The following TRAF3 variants were observed in gnomAD, a reference collection of about 807,000 sequenced individuals.
TRAF3 encodes the protein TNF receptor associated factor 3.
In TRAF3, 13 loss-of-function variants were observed where a neutral mutation model predicts 62.3. That is an observed-to-expected ratio of 0.21 (90% CI 0.14 to 0.33). The LOEUF (loss-of-function observed/expected upper bound fraction) is 0.33. TRAF3 is among the 10% of genes least tolerant of loss of function. The probability of loss-of-function intolerance (pLI) is 1.00; values close to 1 mark genes in which losing one functional copy is unlikely to be tolerated. For synonymous variants in TRAF3, 269 were observed against 283.4 expected (o/e 0.95, Z 0.51); for missense variants, 440 against 741.8 (o/e 0.59, Z 4.73).
intron 2 of TRAF3, among the ~76,000 whole-genome samples, chr14:102,842,344 A>G (rs1886425953): frequency 6.7e-6 from 1 of 149,780 alleles, no homozygotes; most frequent in South Asian, 2.1e-4. Flanking sequence ...ACACATGTAT[A>G]TGTATATATA....
chr14:102,799,132 T>G (rs1188326703), intron 1 of TRAF3, among the ~76,000 whole-genome samples: 1 of 151,994 alleles, frequency 6.6e-6, no homozygotes, highest in South Asian at 2.1e-4. Flanking sequence ...AGTGGCTGAT[T>G]TGGACTACTG....
chr14:102,880,227 C>T (rs1888970602), intron 6 of TRAF3, among the ~76,000 whole-genome samples: 1 of 152,090 alleles, frequency 6.6e-6, no homozygotes, highest in African/African-American at 2.4e-5. Flanking sequence ...GCCTATAATC[C>T]CAGAACTCTG....
intron 5 of TRAF3, 34 bp from the exon 6 acceptor site, chr14:102,876,324 C>T: frequency 6.2e-7 from 1 of 1,611,876 alleles, no homozygotes; most frequent in Non-Finnish European, 8.5e-7. Context: ...GGGTTTTTTT[C>T]CCAATTAAGA....
intron 1 of TRAF3, among the ~76,000 whole-genome samples, chr14:102,819,651 AC>A (rs1899772666): frequency 1.3e-5 from 2 of 152,140 alleles, no homozygotes; most frequent in Non-Finnish European, 2.9e-5. Context: ...CAGTCATGGG[AC>A]CACACCTTTG....
chr14:102,862,767 C>T (rs546122354), intron 2 of TRAF3, among the ~76,000 whole-genome samples: 11 of 152,198 alleles, frequency 7.2e-5, no homozygotes, highest in African/African-American at 2.6e-4. Context: ...TGGTGTCCCA[C>T]AAGTCTCTGA....
rs1338311104 is a variant in TRAF3 at position 102,903,716 on chromosome 14, G to T, written c.1135+287G>T. ...TGCAAAGCCCTCCTGGGAGAGACTG[G>T]CCGCAGGGTGACCCACAGGACAGGC... On this transcript the variant is annotated intron_variant, in intron 11 of 11. Coordinates refer to ENST00000392745, the MANE Select transcript of TRAF3 (RefSeq NM_145725.3). The surrounding 1 kb of genome is among the most constrained non-coding windows in gnomAD (Gnocchi z 6.4). 1.8e-6 allele frequency: 1 copy of T among 553,986 alleles called. No homozygotes were observed. Among genetic ancestry groups the T allele is most frequent in the Non-Finnish European group, 3.4e-6 (1 of 291,678 alleles). The allele number at this position is 553,986 out of a possible 1,614,324, so 34.3% of individuals were successfully genotyped here.
At chr14:102,819,486 G>A (rs540538752) in intron 1 of TRAF3, among the ~76,000 whole-genome samples, 3 of 152,270 alleles carry the variant, frequency 2.0e-5, no homozygotes, top group East Asian at 3.9e-4. Context: ...TGTGCACATC[G>A]CTCAGCATGT....
At chr14:102,787,175 C>A (rs1327651895) in intron 1 of TRAF3, among the ~76,000 whole-genome samples, 3 of 151,978 alleles carry the variant, frequency 2.0e-5, no homozygotes, top group Non-Finnish European at 4.4e-5. Flanking sequence ...GGAAGAAATA[C>A]CGGTGGGAGT....
At chr14:102,778,942 C>T (rs1010379233) in intron 1 of TRAF3, among the ~76,000 whole-genome samples, 2 of 152,192 alleles carry the variant, frequency 1.3e-5, no homozygotes, top group African/African-American at 4.8e-5. Flanking sequence ...GCGTTCTTTT[C>T]TCAAATGAGA....
In TRAF3 at chr14:102,848,256, ACT is replaced by A. The variant is rs972600012; in HGVS notation, c.-18+17787_-18+17788del. Among the ~76,000 whole-genome samples, 4 of 152,072 alleles carry A rather than the reference ACT, an allele frequency of 2.6e-5. No individual in the cohort carries two copies. In the South Asian group the frequency reaches 8.3e-4, roughly 32 times the overall value. On this transcript the variant is annotated intron_variant, in intron 2 of 11. Transcript: ENST00000392745. ...ATACCAGCCTGGGCAACACAGTGAA[ACT>A]CTGTCTAAAAAAATAAAATAATTAA...
intron 1 of TRAF3, among the ~76,000 whole-genome samples, chr14:102,804,768 T>C (rs1898668656): frequency 6.6e-6 from 1 of 152,224 alleles, no homozygotes; most frequent in Non-Finnish European, 1.5e-5. Flanking sequence ...ACTACAGGCA[T>C]GAGACATCAC....
At chr14:102,900,691 C>T (rs1890251979) in intron 10 of TRAF3, among the ~76,000 whole-genome samples, 1 of 152,224 alleles carries the variant, frequency 6.6e-6, no homozygotes, top group Non-Finnish European at 1.5e-5. Context: ...GGGCTTCTCA[C>T]AGCGCCGGGC....
chr14:102,815,299 C>T (rs1194386994), intron 1 of TRAF3, among the ~76,000 whole-genome samples: 3 of 152,114 alleles, frequency 2.0e-5, no homozygotes, highest in Non-Finnish European at 4.4e-5. Flanking sequence ...CATCTTTCTT[C>T]TAAGAATTAT....
intron 6 of TRAF3, among the ~76,000 whole-genome samples, chr14:102,881,407 A>G (rs1022216221): frequency 1.3e-5 from 2 of 151,376 alleles, no homozygotes; most frequent in African/African-American, 4.9e-5. Context: ...AAAAAAAAAA[A>G]AAAGAAAAAA....
intron 1 of TRAF3, among the ~76,000 whole-genome samples, chr14:102,797,233 T>G (rs1161577880): frequency 6.6e-6 from 1 of 152,208 alleles, no homozygotes; most frequent in Non-Finnish European, 1.5e-5. Flanking sequence ...TCTTAGGAAC[T>G]GCTTTGTATT....
chr14:102,847,830 C>T (rs1886811884), intron 2 of TRAF3, among the ~76,000 whole-genome samples: 1 of 152,176 alleles, frequency 6.6e-6, no homozygotes. Flanking sequence ...TTTCTATATA[C>T]ATGGCACTTT....
At chr14:102,854,617 C>T (rs1026301976) in intron 2 of TRAF3, among the ~76,000 whole-genome samples, 3 of 152,112 alleles carry the variant, frequency 2.0e-5, no homozygotes, top group African/African-American at 7.2e-5. Flanking sequence ...CCCACCTCAG[C>T]CCCCCAGATA....
In TRAF3 at chr14:102,897,270, T is replaced by A. The variant is rs1291879105; in HGVS notation, c.829T>A (p.Leu277Met). 6.2e-7 allele frequency: 1 copy of A among 1,612,970 alleles called. No homozygotes were observed. The highest frequency in any genetic ancestry group is 8.5e-7 in the Non-Finnish European group (1 of 1,179,542). ...AGAATTTCTTTTTTAGGTTTCCTTG[T>A]TGCAGAATGAAAGTGTAGAAAAAAA... ...SNSLEKKVSL[L>M]QNESVEKNKS... The change falls in exon 10 of 12, where the codon TTG (leucine) becomes ATG (methionine). Residue 277 changes from leucine (L) to methionine (M), a missense_variant. By Grantham distance (15) the Leu-to-Met change is conservative. Coordinates refer to ENST00000392745, the MANE Select transcript of TRAF3 (RefSeq NM_145725.3).
intron 1 of TRAF3, among the ~76,000 whole-genome samples, chr14:102,802,589 G>A (rs1330081872): frequency 6.6e-6 from 1 of 151,748 alleles, no homozygotes; most frequent in Non-Finnish European, 1.5e-5. Flanking sequence ...AGCACTTTGG[G>A]AGGTCGAGGT....
Sources: allele counts gnomAD v4.1 joint callset (sites outside exome capture counted in the v4.1 genomes callset), GRCh38; gene constraint gnomAD v4.1.1; non-coding constraint Gnocchi (gnomAD v3.1); transcripts MANE v1.5; gene names NCBI Gene and HGNC (gene_info 2026-07-23, HGNC 2026-07-21).